The following TRAPPC9 variants were observed in gnomAD, a reference collection of about 807,000 sequenced individuals.
TRAPPC9 encodes trafficking protein particle complex subunit 9.
Under a neutral mutation model 124.0 loss-of-function variants are expected in TRAPPC9, and 83 were observed. The observed-to-expected ratio is 0.67, with a 90% CI of 0.56 to 0.80. TRAPPC9 has a LOEUF of 0.80. Ranked by LOEUF, TRAPPC9 falls within the 30% of genes least tolerant of loss-of-function variation. TRAPPC9 has a pLI of 0.00. For missense variants in TRAPPC9, 1,302 were observed against 1,508.3 expected (o/e 0.86, Z 2.27); for synonymous variants, 638 against 617.5 (o/e 1.03, Z -0.49).
At chr8:139,921,451 G>C (rs1446028719) in intron 19 of TRAPPC9, among the ~76,000 whole-genome samples, 1 of 152,172 alleles carries the variant, frequency 6.6e-6, no homozygotes, top group African/African-American at 2.4e-5. Context: ...AGAGAGCCGG[G>C]CTTCATTTGT....
intron 19 of TRAPPC9, chr8:139,913,811 A>C (rs984348332): frequency 6.6e-6 from 1 of 152,308 alleles, no homozygotes; most frequent in African/African-American, 2.4e-5. Flanking sequence ...TGAATTCCCC[A>C]AACCACAGAG....
intron 7 of TRAPPC9, among the ~76,000 whole-genome samples, chr8:140,389,157 A>T (rs1216489079): frequency 6.6e-6 from 1 of 151,766 alleles, no homozygotes; most frequent in African/African-American, 2.4e-5. Context: ...GGGTTTCTAC[A>T]TGTTGGTCAG....
chr8:140,120,742 C>G (rs1403259326), intron 17 of TRAPPC9, among the ~76,000 whole-genome samples: 1 of 150,630 alleles, frequency 6.6e-6, no homozygotes, highest in African/African-American at 2.4e-5. Context: ...CAACATCCAT[C>G]CATCCATTCA....
At chr8:140,047,055 G>A (rs993519219) in intron 17 of TRAPPC9, among the ~76,000 whole-genome samples, 1 of 152,208 alleles carries the variant, frequency 6.6e-6, no homozygotes, top group African/African-American at 2.4e-5. Context: ...TGTCTGTGAG[G>A]TGTCCTGGAA....
intron 11 of TRAPPC9, among the ~76,000 whole-genome samples, chr8:140,292,087 T>G (rs1052679679): frequency 6.6e-6 from 1 of 152,178 alleles, no homozygotes; most frequent in African/African-American, 2.4e-5. Context: ...CTGTGGTCAT[T>G]TGTTACAAAG....
chr8:139,759,620 C>T (rs1436476259), intron 21 of TRAPPC9, among the ~76,000 whole-genome samples: 2 of 152,188 alleles, frequency 1.3e-5, no homozygotes, highest in African/African-American at 2.4e-5. Flanking sequence ...GAGGCTGAGA[C>T]AGATGAGCGC....
intron 17 of TRAPPC9, among the ~76,000 whole-genome samples, chr8:140,162,361 G>A (rs142964516): frequency 3.3e-5 from 5 of 152,220 alleles, no homozygotes; most frequent in African/African-American, 1.2e-4. Context: ...TCCACATGCT[G>A]CTTGCGTGGA....
In TRAPPC9 at chr8:139,907,982, G is replaced by T. The variant is rs545042333; in HGVS notation, c.2964+2165C>A. 6.6e-6 allele frequency among the ~76,000 whole-genome samples: 1 copy of T among 152,100 alleles called. No individual in the cohort carries two copies. The highest frequency in any genetic ancestry group is 1.5e-5 in the Non-Finnish European group (1 of 68,026). On this transcript the variant is annotated intron_variant, in intron 20 of 22. Transcript: ENST00000438773. This position sits in a 1 kb window ranked among gnomAD's most constrained non-coding sequence, Gnocchi z 4.7. ...GACGGGAAGACAGGATAATGAAACC[G>T]CCCCAGGAGTCAGGTTGCCGACAAG...
chr8:140,291,515 G>A (rs964351654), intron 11 of TRAPPC9, among the ~76,000 whole-genome samples: 1 of 152,184 alleles, frequency 6.6e-6, no homozygotes, highest in Non-Finnish European at 1.5e-5. Flanking sequence ...CCCACTCCCA[G>A]GTCAACTGCA....
intron 9 of TRAPPC9, among the ~76,000 whole-genome samples, chr8:140,333,905 CA>C (rs2066964212): frequency 6.6e-6 from 1 of 152,180 alleles, no homozygotes; most frequent in African/African-American, 2.4e-5. Context: ...AGATGTTTTA[CA>C]AACAACAGCT....
At chr8:139,980,489 G>A (rs192539857) in intron 19 of TRAPPC9, among the ~76,000 whole-genome samples, 12 of 152,284 alleles carry the variant, frequency 7.9e-5, no homozygotes, top group Middle Eastern at 3.4e-3. Context: ...TGCTCCAGCC[G>A]TGCGATCTGG....
At position 140,290,976 on chromosome 8, in the gene TRAPPC9, T is replaced by C. The variant is rs1264005983; in HGVS notation, c.1854+17A>G. ...TGTATGTTAGCCCAAAAAGGTCAAA[T>C]GATTGGTGATACATACCATGTTTTC... On this transcript the variant is annotated intron_variant, in intron 12 of 22. Transcript: ENST00000438773. 1 of 1,611,456 alleles carries C rather than the reference T, an allele frequency of 6.2e-7. No individual in the cohort carries two copies. The highest frequency in any genetic ancestry group is 8.5e-7 in the Non-Finnish European group (1 of 1,177,530).
At chr8:139,968,148 C>CAAAAAAAAAAACCA (rs11299764) in intron 19 of TRAPPC9, among the ~76,000 whole-genome samples, 2 of 138,398 alleles carry the variant, frequency 1.4e-5, no homozygotes, top group Non-Finnish European at 3.1e-5. Flanking sequence ...GACTCTGTCT[C>CAAAAAAAAAAACCA]AAAAAAAAAA....
Position 140,287,696 on chromosome 8 carries a change from A to AG in TRAPPC9, c.1892dup (p.Ala632CysfsTer8). On this transcript the variant is annotated frameshift_variant, in exon 13 of 23. Coordinates refer to ENST00000438773, the MANE Select transcript of TRAPPC9 (RefSeq NM_001160372.4). LOFTEE classifies it high-confidence loss of function. The stretch of plus-strand genomic sequence containing the variant: ...ATTCAGCCGGAAGAGAAAGCGCCGC[A>AG]GGGAGAGACTCGAACTCCACTCCGC... The AG allele has an allele frequency of 6.2e-7, 1 of 1,614,206 alleles. No individual in the cohort carries two copies. The highest frequency in any genetic ancestry group is 8.5e-7 in the Non-Finnish European group (1 of 1,180,030).
chr8:139,976,016 C>T (rs4581030), intron 19 of TRAPPC9, among the ~76,000 whole-genome samples: 4,322 of 150,888 alleles, frequency 0.029, 217 homozygotes, highest in African/African-American at 0.1. Flanking sequence ...CTCAGCCTCC[C>T]CAGTAGCTGG....
chr8:140,080,627 A>G (rs1378039287), intron 17 of TRAPPC9, among the ~76,000 whole-genome samples: 3 of 152,126 alleles, frequency 2.0e-5, no homozygotes, highest in African/African-American at 7.2e-5. Flanking sequence ...GACAGCACCA[A>G]TCTATTCCGG....
intron 17 of TRAPPC9, among the ~76,000 whole-genome samples, chr8:140,076,254 G>A (rs73359150): frequency 0.02 from 3,116 of 152,246 alleles, 103 homozygotes; most frequent in African/African-American, 0.071. Flanking sequence ...TGACATCACT[G>A]CCAAAATGGC....
intron 21 of TRAPPC9, among the ~76,000 whole-genome samples, chr8:139,853,423 A>G (rs572360675): frequency 6.6e-6 from 1 of 152,178 alleles, no homozygotes; most frequent in South Asian, 2.1e-4. Context: ...CTTATTCACC[A>G]AAGAGACTCT....
chr8:139,814,650 C>A (rs529263969), intron 21 of TRAPPC9, among the ~76,000 whole-genome samples: 1 of 152,050 alleles, frequency 6.6e-6, no homozygotes, highest in Non-Finnish European at 1.5e-5. Context: ...AGGGCTAGAA[C>A]CTGAATCCAG....
Sources: gnomAD v4.1 joint callset for allele counts (sites outside exome capture counted in the v4.1 genomes callset) on GRCh38, gnomAD v4.1.1 for gene constraint, Gnocchi (gnomAD v3.1) non-coding constraint, MANE v1.5 for transcripts, NCBI Gene and HGNC (gene_info 2026-07-23, HGNC 2026-07-21) for gene names.